The following PRICKLE1 variants were observed in gnomAD, a reference collection of about 807,000 sequenced individuals.
PRICKLE1 encodes the protein prickle planar cell polarity protein 1, also known as prickle-like protein 1.
In PRICKLE1, 14 loss-of-function variants were observed where a neutral mutation model predicts 70.2. The observed-to-expected ratio is 0.20, with a 90% CI of 0.13 to 0.31. The LOEUF is 0.31. Among genes scored for constraint, PRICKLE1 ranks in the 10% least tolerant of loss-of-function variants. The pLI, the probability that PRICKLE1 is intolerant of heterozygous loss-of-function variation, is 1.00. For missense variants in PRICKLE1, 821 were observed against 1,026.2 expected, an observed-to-expected ratio of 0.80 and a Z score of 2.73; for synonymous variants, 357 against 379.9, an observed-to-expected ratio of 0.94 and a Z score of 0.70.
intron 1 of PRICKLE1, among the ~76,000 whole-genome samples, chr12:42,519,442 C>T (rs546521363): frequency 4.3e-4 from 66 of 152,052 alleles, no homozygotes; most frequent in Middle Eastern, 3.4e-3. Context: ...GGGATCCATG[C>T]GCCTCGGCCT....
intron 6 of PRICKLE1, 154 bp downstream of exon 6, chr12:42,466,040 A>C (rs1176200366): frequency 1.2e-6 from 1 of 815,408 alleles, no homozygotes; most frequent in African/African-American, 1.7e-5. Flanking sequence ...TCATTTGTCA[A>C]AGCTCATCAG....
intron 1 of PRICKLE1, among the ~76,000 whole-genome samples, chr12:42,504,012 C>T (rs868502507): frequency 2.0e-5 from 3 of 149,152 alleles, no homozygotes; most frequent in Non-Finnish European, 4.4e-5. Context: ...AATCAAAAAC[C>T]CACTTCCTCA....
intron 1 of PRICKLE1, among the ~76,000 whole-genome samples, chr12:42,495,940 A>C (rs1010323299): frequency 2.0e-5 from 3 of 152,178 alleles, no homozygotes; most frequent in Admixed American, 1.3e-4. Context: ...GGTTGAAATA[A>C]ACTTCTTCAA....
At chr12:42,555,685 A>C (rs2120676334) in intron 1 of PRICKLE1, among the ~76,000 whole-genome samples, 1 of 152,334 alleles carries the variant, frequency 6.6e-6, no homozygotes, top group East Asian at 1.9e-4. Flanking sequence ...AGATAGAACA[A>C]ATGGGTATTT....
intron 1 of PRICKLE1, among the ~76,000 whole-genome samples, chr12:42,551,175 T>C (rs571514566): frequency 6.6e-6 from 1 of 152,362 alleles, no homozygotes; most frequent in East Asian, 1.9e-4. Context: ...CCCTTGTTAA[T>C]ATGCACCTAT....
At chr12:42,463,428 A>G (rs1937938585) in intron 7 of PRICKLE1, among the ~76,000 whole-genome samples, 1 of 150,690 alleles carries the variant, frequency 6.6e-6, no homozygotes, top group South Asian at 2.1e-4. Context: ...AAAAAAAAAA[A>G]TGAGCTTGTG....
intron 1 of PRICKLE1, among the ~76,000 whole-genome samples, chr12:42,560,143 A>C (rs10677874): frequency 0.23 from 32,151 of 139,662 alleles, 4,784 homozygotes; most frequent in African/African-American, 0.45. Flanking sequence ...TATTATTATT[A>C]TTATTATTTT....
intron 1 of PRICKLE1, among the ~76,000 whole-genome samples, chr12:42,541,797 C>G (rs1260380223): frequency 6.6e-6 from 1 of 152,164 alleles, no homozygotes; most frequent in Non-Finnish European, 1.5e-5. Flanking sequence ...GTGCTTGTTC[C>G]CTACATTAGG....
At chr12:42,535,116 G>A (rs368003356) in intron 1 of PRICKLE1, among the ~76,000 whole-genome samples, 72 of 152,272 alleles carry the variant, frequency 4.7e-4, no homozygotes, top group African/African-American at 1.7e-3. Context: ...AACTGGTTCA[G>A]ATATGGTATA....
At chr12:42,569,358 C>T (rs1261052843) in intron 1 of PRICKLE1, among the ~76,000 whole-genome samples, 2 of 152,156 alleles carry the variant, frequency 1.3e-5, no homozygotes, top group Non-Finnish European at 2.9e-5. Context: ...GAGCTCAAGC[C>T]TAAATTCATT....
chr12:42,557,858 T>A (rs1940438430), intron 1 of PRICKLE1, among the ~76,000 whole-genome samples: 1 of 152,238 alleles, frequency 6.6e-6, no homozygotes, highest in Non-Finnish European at 1.5e-5. Context: ...ATCATCACAA[T>A]CTTTTCAATC....
At chr12:42,494,037 T>C (rs1939151768) in intron 1 of PRICKLE1, among the ~76,000 whole-genome samples, 1 of 152,242 alleles carries the variant, frequency 6.6e-6, no homozygotes, top group South Asian at 2.1e-4. Flanking sequence ...CACTACACTA[T>C]AGTCTACTGA....
intron 1 of PRICKLE1, among the ~76,000 whole-genome samples, chr12:42,487,385 C>T (rs1939008717): frequency 6.6e-6 from 1 of 152,120 alleles, no homozygotes; most frequent in African/African-American, 2.4e-5. Context: ...TGCAGTTTCC[C>T]AAGGTCTCCA....
intron 1 of PRICKLE1, among the ~76,000 whole-genome samples, chr12:42,585,713 T>C (rs767833752): frequency 9.9e-5 from 15 of 152,276 alleles, no homozygotes; most frequent in Non-Finnish European, 1.3e-4. Context: ...AGATTCCCCA[T>C]ACAATTTTAG....
chr12:42,563,214 T>G (rs1940550087), intron 1 of PRICKLE1, among the ~76,000 whole-genome samples: 1 of 151,464 alleles, frequency 6.6e-6, no homozygotes, highest in Non-Finnish European at 1.5e-5. Context: ...AACAGGACAA[T>G]TTTATGGTTC....
rs555080614 is a variant in PRICKLE1 at position 42,538,937 on chromosome 12, G to C, written c.-49+50528C>G. Reference sequence around the variant, plus strand: ...TGCCTTAGATTTCCCAAAAGTTAGAGAGTGGTAGCTATGCTAGCTCAACTT... The same window carrying C: ...TGCCTTAGATTTCCCAAAAGTTAGACAGTGGTAGCTATGCTAGCTCAACTT... On this transcript the variant is annotated intron_variant, in intron 1 of 7. Transcript: ENST00000345127. Among the ~76,000 whole-genome samples the C allele has an allele frequency of 8.5e-5, 13 of 152,292 alleles. No individual in the cohort carries two copies. The South Asian group carries it at 1.9e-3, about 22-fold the overall frequency.
chr12:42,557,581 T>G (rs1026546239), intron 1 of PRICKLE1, among the ~76,000 whole-genome samples: 1 of 152,202 alleles, frequency 6.6e-6, no homozygotes, highest in African/African-American at 2.4e-5. Flanking sequence ...AAATGCTCTA[T>G]TTTTAAAAGA....
intron 1 of PRICKLE1, among the ~76,000 whole-genome samples, chr12:42,473,147 T>C (rs1938390538): frequency 6.6e-6 from 1 of 152,222 alleles, no homozygotes; most frequent in Non-Finnish European, 1.5e-5. Flanking sequence ...AAAATAGAAA[T>C]AGCACAATTA....
At chr12:42,494,431 G>A (rs1262382308) in intron 1 of PRICKLE1, among the ~76,000 whole-genome samples, 2 of 152,178 alleles carry the variant, frequency 1.3e-5, no homozygotes, top group African/African-American at 4.8e-5. Context: ...TAAATCCTCT[G>A]TGGTCATTTC....
Sources: gnomAD v4.1 joint callset for allele counts (sites outside exome capture counted in the v4.1 genomes callset) on GRCh38, gnomAD v4.1.1 for gene constraint, MANE v1.5 for transcripts, NCBI Gene and HGNC (gene_info 2026-07-23, HGNC 2026-07-21) for gene names.